The following EYA2 variants were observed in gnomAD, a reference collection of about 807,000 sequenced individuals.
The protein encoded by EYA2 is EYA transcriptional coactivator and phosphatase 2, also known as protein phosphatase EYA2.
A neutral mutation model predicts 69.2 loss-of-function variants in EYA2; 31 were observed. The ratio of observed to expected loss-of-function variants is 0.45; its 90% CI spans 0.34 to 0.60. EYA2 has a LOEUF of 0.60. Ranked by LOEUF, EYA2 falls within the 20% of genes least tolerant of loss-of-function variation. EYA2 has a pLI of 0.02. For synonymous variants in EYA2, 257 were observed against 279.4 expected (o/e 0.92, Z 0.80); for missense variants, 622 against 701.2 (o/e 0.89, Z 1.28).
At chr20:46,975,582 T>G (rs1980408082) in intron 1 of EYA2, among the ~76,000 whole-genome samples, 1 of 152,168 alleles carries the variant, frequency 6.6e-6, no homozygotes, top group South Asian at 2.1e-4. Flanking sequence ...TTGGGTTGAT[T>G]GACCAAATGA....
At chr20:47,134,591 A>AAAC (rs1568799737) in intron 9 of EYA2, among the ~76,000 whole-genome samples, 1 of 131,808 alleles carries the variant, frequency 7.6e-6, no homozygotes, top group Non-Finnish European at 1.6e-5. Context: ...CACACACACA[A>AAAC]ACACACACAC....
chr20:47,072,760 C>T (rs1217234987), intron 6 of EYA2, among the ~76,000 whole-genome samples: 2 of 152,172 alleles, frequency 1.3e-5, no homozygotes, highest in East Asian at 1.9e-4. Flanking sequence ...ATTAAGAGTT[C>T]GCATCTGCTC....
intron 1 of EYA2, among the ~76,000 whole-genome samples, chr20:46,962,309 G>A (rs544875720): frequency 6.6e-6 from 1 of 152,286 alleles, no homozygotes; most frequent in Admixed American, 6.5e-5. Flanking sequence ...TTACAGGCAT[G>A]AGCGACCGTG....
intron 5 of EYA2, among the ~76,000 whole-genome samples, chr20:47,070,891 CA>C (rs2031290031): frequency 6.6e-6 from 1 of 152,164 alleles, no homozygotes; most frequent in Non-Finnish European, 1.5e-5. Flanking sequence ...CCGTGTTGCG[CA>C]GGCTGGAGTG....
intron 1 of EYA2, among the ~76,000 whole-genome samples, chr20:46,934,260 A>G (rs1302399268): frequency 1.3e-5 from 2 of 152,104 alleles, no homozygotes; most frequent in South Asian, 2.1e-4. Context: ...CAGGCACTCA[A>G]ACAACATCAA....
intron 4 of EYA2, among the ~76,000 whole-genome samples, chr20:47,011,652 G>T (rs1215565877): frequency 6.6e-6 from 1 of 151,802 alleles, no homozygotes; most frequent in Non-Finnish European, 1.5e-5. Context: ...CACAAGTCTT[G>T]CTCCTTTGCT....
At chr20:47,060,419 G>A (rs1285631523) in intron 5 of EYA2, among the ~76,000 whole-genome samples, 1 of 152,212 alleles carries the variant, frequency 6.6e-6, no homozygotes, top group Non-Finnish European at 1.5e-5. Context: ...GGTGTGGGGA[G>A]TGAAACAAAA....
chr20:47,107,722 GAAGAAGAAAAGAAA>G (rs1273110058), intron 9 of EYA2, among the ~76,000 whole-genome samples: 9 of 137,600 alleles, frequency 6.5e-5, no homozygotes, highest in Non-Finnish European at 9.4e-5. Context: ...GGAAGAAGAA[GAAGAAGAAAAGAAA>G]AAGAAGAAGA....
At chr20:46,941,920 C>G (rs2146263659) in intron 1 of EYA2, among the ~76,000 whole-genome samples, 1 of 151,936 alleles carries the variant, frequency 6.6e-6, no homozygotes, top group Non-Finnish European at 1.5e-5. Flanking sequence ...CACCACCTAG[C>G]TAATTTTTAA....
chr20:47,035,992 C>T (rs867870010), intron 5 of EYA2, among the ~76,000 whole-genome samples: 21 of 152,268 alleles, frequency 1.4e-4, no homozygotes, highest in African/African-American at 5.1e-4. Context: ...GCCTGGGTGA[C>T]AGAGTAAGAC....
chr20:46,961,046 A>G (rs2050164951), intron 1 of EYA2, among the ~76,000 whole-genome samples: 1 of 152,220 alleles, frequency 6.6e-6, no homozygotes, highest in Admixed American at 6.5e-5. Flanking sequence ...CAAAAAGACC[A>G]AAATAAGGCC....
At chr20:47,051,140 ATGCCGGACTT>A (rs1234372828) in intron 5 of EYA2, among the ~76,000 whole-genome samples, 47 of 152,372 alleles carry the variant, frequency 3.1e-4, no homozygotes, top group African/African-American at 1.1e-3. Flanking sequence ...ACCCTAGCCT[ATGCCGGACTT>A]TCCCTCTCGT....
intron 4 of EYA2, among the ~76,000 whole-genome samples, chr20:47,012,814 C>T (rs1983154245): frequency 6.6e-6 from 1 of 152,146 alleles, no homozygotes; most frequent in Non-Finnish European, 1.5e-5. Context: ...GTTTTAAAAA[C>T]ATACTAAATA....
intron 5 of EYA2, among the ~76,000 whole-genome samples, chr20:47,070,605 A>G (rs1198604832): frequency 6.6e-6 from 1 of 152,236 alleles, no homozygotes; most frequent in Non-Finnish European, 1.5e-5. Context: ...CTTATATTGC[A>G]TTATCCATAA....
chr20:47,057,488 T>C (rs2030683883), intron 5 of EYA2, among the ~76,000 whole-genome samples: 1 of 150,632 alleles, frequency 6.6e-6, no homozygotes, highest in South Asian at 2.1e-4. Flanking sequence ...CTATACATTA[T>C]CTGCTGACTA....
chr20:47,141,863 A>G (rs1214701696), intron 9 of EYA2, among the ~76,000 whole-genome samples: 1 of 152,322 alleles, frequency 6.6e-6, no homozygotes, highest in African/African-American at 2.4e-5. Flanking sequence ...TCTAAGTAAC[A>G]TGCGTATGTG....
chr20:46,967,721 C>T (rs1391304547), intron 1 of EYA2, among the ~76,000 whole-genome samples: 1 of 152,154 alleles, frequency 6.6e-6, no homozygotes, highest in Non-Finnish European at 1.5e-5. Context: ...AGGAGCCAGG[C>T]CATGTGAAGC....
chr20:47,173,587 A>C (rs2034373131), intron 12 of EYA2, among the ~76,000 whole-genome samples: 1 of 151,204 alleles, frequency 6.6e-6, no homozygotes, highest in African/African-American at 2.4e-5. Context: ...TGCTTTAAAA[A>C]ATTTTTTTTT....
At chr20:47,090,226 A>AAT (rs1240428573) in intron 8 of EYA2, among the ~76,000 whole-genome samples, 3 of 133,036 alleles carry the variant, frequency 2.3e-5, no homozygotes, top group Non-Finnish European at 4.8e-5. Flanking sequence ...GGGATGCTCC[A>AAT]ATCTTTTTTT....
Sources: allele counts gnomAD v4.1 joint callset (sites outside exome capture counted in the v4.1 genomes callset), GRCh38; gene constraint gnomAD v4.1.1; transcripts MANE v1.5; gene names NCBI Gene and HGNC (gene_info 2026-07-23, HGNC 2026-07-21).